Variants in ANKRD6 observed in about 807,000 individuals in gnomAD.
The protein encoded by ANKRD6 is ankyrin repeat domain 6.
Under a neutral mutation model 82.3 loss-of-function variants are expected in ANKRD6, and 56 were observed. The ratio of observed to expected loss-of-function variants is 0.68; its 90% CI spans 0.55 to 0.85. The LOEUF is 0.85. Among genes scored for constraint, ANKRD6 ranks in the 40% least tolerant of loss-of-function variants. The probability of loss-of-function intolerance (pLI) is 0.00; values close to 1 mark genes in which losing one functional copy is unlikely to be tolerated. For missense variants in ANKRD6, 852 were observed against 907.6 expected (o/e 0.94, Z 0.79); for synonymous variants, 347 against 352.1 (o/e 0.99, Z 0.16).
intron 1 of ANKRD6, among the ~76,000 whole-genome samples, chr6:89,435,831 G>A (rs1770574654): frequency 6.6e-6 from 1 of 152,222 alleles, no homozygotes; most frequent in Admixed American, 6.5e-5. Context: ...TAAGCTAAGA[G>A]TGACCTTTAA....
intron 1 of ANKRD6, chr6:89,478,242 AT>A (rs1399091433): frequency 6.6e-6 from 1 of 152,018 alleles, no homozygotes; most frequent in African/African-American, 2.4e-5. Context: ...TGCTATGCCA[AT>A]TGGGTGTCCA....
rs1188556410 is a variant in ANKRD6 at position 89,618,023 on chromosome 6, G to T, written c.784G>T (p.Ala262Ser). The change falls in exon 9 of 16, where the codon GCT (alanine) becomes TCT (serine). Residue 262 changes from alanine (A) to serine (S), a missense_variant. By Grantham distance (99) the Ala-to-Ser change is moderately conservative. Transcript: ENST00000339746. ...GGAAGTTGCTCTTCTCCTTACTAAA[G>T]CTCCCCAGGTAGGATTTACTGCCCT... ...NPEVALLLTK[A>S]PQVLRFSRGR... is the part of the protein sequence containing the mutation. The T allele has an allele frequency of 6.2e-7, 1 of 1,614,028 alleles. No homozygotes were observed. The highest frequency in any genetic ancestry group is 2.2e-5 in the East Asian group (1 of 44,888).
intron 1 of ANKRD6, among the ~76,000 whole-genome samples, chr6:89,462,799 G>A (rs1239638047): frequency 6.6e-6 from 1 of 151,416 alleles, no homozygotes; most frequent in African/African-American, 2.4e-5. Flanking sequence ...TATTTTTAGA[G>A]ATGTTTTTAC....
intron 1 of ANKRD6, among the ~76,000 whole-genome samples, chr6:89,467,119 A>G (rs1002219030): frequency 2.6e-5 from 4 of 151,584 alleles, no homozygotes; most frequent in Non-Finnish European, 5.9e-5. Context: ...AGGCAGGAGT[A>G]GTACTTGGGC....
rs778628274 is a variant in ANKRD6, at chr6:89,616,618, C to G, written c.675C>G (p.Ile225Met). ...AALNHKKVAK[I>M]LLEAGADTTI... The stretch of plus-strand genomic sequence containing the variant: ...TAAATCACAAGAAGGTGGCCAAAAT[C>G]TTACTGGAAGCCGGAGCAGATACGA... Residue 225 changes from isoleucine (I) to methionine (M), a missense_variant, in exon 8 of 16, where the codon ATC (isoleucine) becomes ATG (methionine). Ile to Met is a conservative substitution (Grantham distance 10). Coordinates refer to ENST00000339746, the MANE Select transcript of ANKRD6 (RefSeq NM_001242809.2). The G allele has an allele frequency of 8.7e-6, 14 of 1,613,946 alleles. No individual in the cohort carries two copies. In the South Asian group the frequency reaches 8.8e-5, roughly 10 times the overall value.
intron 5 of ANKRD6, among the ~76,000 whole-genome samples, chr6:89,611,084 A>T (rs1329838752): frequency 1.3e-5 from 2 of 152,146 alleles, no homozygotes. Context: ...CTGGAGGTAA[A>T]AGTGAGACAA....
chr6:89,453,911 C>T (rs1773195006), intron 1 of ANKRD6, among the ~76,000 whole-genome samples: 1 of 152,048 alleles, frequency 6.6e-6, no homozygotes, highest in African/African-American at 2.4e-5. Flanking sequence ...ACGCCATTCT[C>T]CTGCCTTAGC....
At chr6:89,464,121 G>C (rs1175456496) in intron 1 of ANKRD6, among the ~76,000 whole-genome samples, 2 of 152,062 alleles carry the variant, frequency 1.3e-5, no homozygotes, top group African/African-American at 4.8e-5. Context: ...ATGAACTCTA[G>C]CTGGGGAGTA....
At position 89,599,084 on chromosome 6, in the gene ANKRD6, A is replaced by T. The variant is rs575041593; in HGVS notation, c.219+3070A>T. The stretch of plus-strand genomic sequence containing the variant: ...TTGGCACACAGTAGGGAGTCAATAA[A>T]TATTCAGTCCGGGCCTGGTGGCTCA... On this transcript the variant is annotated intron_variant, in intron 3 of 15. Transcript: ENST00000339746. Among the ~76,000 whole-genome samples the T allele has an allele frequency of 5.3e-5, 8 of 152,248 alleles. No homozygotes were observed. The East Asian group carries it at 1.4e-3, about 26-fold the overall frequency.
intron 1 of ANKRD6, among the ~76,000 whole-genome samples, chr6:89,524,840 C>T (rs991494074): frequency 1.4e-4 from 21 of 152,036 alleles, no homozygotes; most frequent in African/African-American, 4.8e-4. Context: ...GTTTACTTTC[C>T]ACCAGTAGTG....
chr6:89,475,394 A>G (rs1220109027), intron 1 of ANKRD6, among the ~76,000 whole-genome samples: 1 of 152,224 alleles, frequency 6.6e-6, no homozygotes, highest in East Asian at 1.9e-4. Context: ...TTATGAAGTT[A>G]GGAGGTAAAC....
At chr6:89,459,058 T>G (rs1446163745) in intron 1 of ANKRD6, among the ~76,000 whole-genome samples, 1 of 152,200 alleles carries the variant, frequency 6.6e-6, no homozygotes, top group African/African-American at 2.4e-5. Context: ...ACCTTTTTTT[T>G]GTCTTCTTAA....
At chr6:89,465,631 TG>T (rs1245565008) in intron 1 of ANKRD6, among the ~76,000 whole-genome samples, 1 of 151,806 alleles carries the variant, frequency 6.6e-6, no homozygotes, top group Non-Finnish European at 1.5e-5. Flanking sequence ...GAGGTCAAGG[TG>T]GGAGGATTGC....
intron 1 of ANKRD6, among the ~76,000 whole-genome samples, chr6:89,553,849 A>G (rs552196882): frequency 1.8e-4 from 27 of 152,082 alleles, no homozygotes; most frequent in Admixed American, 3.9e-4. Context: ...GTAGAAGTAC[A>G]TATAAAGTGT....
At chr6:89,503,140 A>G (rs931885424) in intron 1 of ANKRD6, among the ~76,000 whole-genome samples, 2 of 152,196 alleles carry the variant, frequency 1.3e-5, no homozygotes, top group East Asian at 3.8e-4. Context: ...GGAAAAAACT[A>G]CTGAACTCTC....
chr6:89,536,350 G>A (rs777468706), intron 1 of ANKRD6, among the ~76,000 whole-genome samples: 1 of 152,182 alleles, frequency 6.6e-6, no homozygotes, highest in Non-Finnish European at 1.5e-5. Context: ...GTTTCCAGGC[G>A]GGCTGCCTCT....
intron 1 of ANKRD6, among the ~76,000 whole-genome samples, chr6:89,547,433 CG>C (rs1554232199): frequency 2.0e-5 from 3 of 152,108 alleles, no homozygotes; most frequent in Non-Finnish European, 4.4e-5. Flanking sequence ...GACAAAGGGG[CG>C]GGGTGGAAAG....
Position 89,622,019 on chromosome 6 carries a change from A to C in ANKRD6, c.890A>C (p.Gln297Pro), listed in dbSNP as rs566521404. 6.2e-7 allele frequency: 1 copy of C among 1,612,134 alleles called. No homozygotes were observed. Among genetic ancestry groups the C allele is most frequent in the Admixed American group, 1.7e-5 (1 of 60,022 alleles). The change falls in exon 10 of 16, where the codon CAA becomes CCA. Residue 297 changes from glutamine to proline, a missense_variant. Physicochemically the swap from Gln to Pro is moderately conservative, Grantham distance 76. Transcript: ENST00000339746. ...TCTGTGCCAAGAGATGAGGTGGCCCAAAGCAAGGTGGGGGGCAGTCCTCCC... is the reference window on the plus strand; with the variant it reads ...TCTGTGCCAAGAGATGAGGTGGCCCCAAGCAAGGTGGGGGGCAGTCCTCCC... Reference protein sequence around the residue: ...AQSVPRDEVAQSKGSVSAGDT... With the variant: ...AQSVPRDEVAPSKGSVSAGDT...
intron 1 of ANKRD6, among the ~76,000 whole-genome samples, chr6:89,490,994 G>A (rs1419508134): frequency 1.3e-5 from 2 of 152,174 alleles, no homozygotes; most frequent in Non-Finnish European, 2.9e-5. Flanking sequence ...GAGGCAGAGG[G>A]AGACTTGACA....
Sources: gnomAD v4.1 joint callset for allele counts (sites outside exome capture counted in the v4.1 genomes callset) on GRCh38, gnomAD v4.1.1 for gene constraint, MANE v1.5 for transcripts, NCBI Gene and HGNC (gene_info 2026-07-23, HGNC 2026-07-21) for gene names.